The following SCAPER variants were observed in gnomAD, a reference collection of about 807,000 sequenced individuals.
SCAPER encodes the protein S-phase cyclin A associated protein in the ER.
SCAPER carries 98 observed loss-of-function variants against 182.2 expected under a neutral mutation model. That is an observed-to-expected ratio of 0.54 (90% CI 0.46 to 0.64). SCAPER has a LOEUF of 0.64. Ranked by LOEUF, SCAPER falls within the 30% of genes least tolerant of loss-of-function variation. SCAPER has a pLI of 0.00. For missense variants in SCAPER, 1,432 were observed against 1,690.0 expected (o/e 0.85, Z 2.68); for synonymous variants, 605 against 564.6 (o/e 1.07, Z -1.01).
At chr15:76,641,936 C>T (rs1353804927) in intron 21 of SCAPER, among the ~76,000 whole-genome samples, 3 of 152,134 alleles carry the variant, frequency 2.0e-5, no homozygotes, top group Non-Finnish European at 2.9e-5. Flanking sequence ...AAGACACAGA[C>T]AGACTTGATT....
intron 15 of SCAPER, among the ~76,000 whole-genome samples, chr15:76,742,572 A>C (rs2061606599): frequency 6.6e-6 from 1 of 151,768 alleles, no homozygotes; most frequent in African/African-American, 2.4e-5. Context: ...GAAACTGAAA[A>C]TGAAAGTCAA....
At chr15:76,554,900 G>A (rs2046076636) in intron 23 of SCAPER, among the ~76,000 whole-genome samples, 1 of 151,494 alleles carries the variant, frequency 6.6e-6, no homozygotes, top group South Asian at 2.1e-4. Flanking sequence ...TCCTGCCTCA[G>A]CCTCCTGATA....
intron 19 of SCAPER, among the ~76,000 whole-genome samples, chr15:76,702,323 T>A (rs1598257923): frequency 6.6e-6 from 1 of 152,090 alleles, no homozygotes; most frequent in African/African-American, 2.4e-5. Context: ...AAGCAGGTAA[T>A]CATCCATTTT....
chr15:76,380,023 C>T (rs1193090811), intron 28 of SCAPER: 1 of 152,146 alleles, frequency 6.6e-6, no homozygotes, highest in Non-Finnish European at 1.5e-5. Flanking sequence ...ATTTGCTATT[C>T]CATAATCTGT....
At chr15:76,672,089 G>GA (rs2057060868) in intron 20 of SCAPER, among the ~76,000 whole-genome samples, 1 of 152,102 alleles carries the variant, frequency 6.6e-6, no homozygotes, top group East Asian at 1.9e-4. Context: ...GAAACTGCTG[G>GA]GAAAGGAATT....
intron 20 of SCAPER, among the ~76,000 whole-genome samples, chr15:76,682,810 C>A (rs1180319647): frequency 6.7e-6 from 1 of 149,530 alleles, no homozygotes; most frequent in Admixed American, 6.7e-5. Context: ...CTCTGGCCCC[C>A]TAAAATTTTC....
intron 22 of SCAPER, among the ~76,000 whole-genome samples, chr15:76,607,075 A>G (rs2050488854): frequency 6.6e-6 from 1 of 152,038 alleles, no homozygotes; most frequent in Non-Finnish European, 1.5e-5. Flanking sequence ...TTAGCTGGTT[A>G]TTTTGCTCGT....
At chr15:76,491,781 G>T (rs1225421752) in intron 24 of SCAPER, among the ~76,000 whole-genome samples, 1 of 152,100 alleles carries the variant, frequency 6.6e-6, no homozygotes, top group Non-Finnish European at 1.5e-5. Context: ...ACAGGCGTTT[G>T]CCACCACACC....
intron 22 of SCAPER, among the ~76,000 whole-genome samples, chr15:76,591,003 T>G (rs2145667388): frequency 6.6e-6 from 1 of 152,096 alleles, no homozygotes; most frequent in South Asian, 2.1e-4. Flanking sequence ...GGACATAGAG[T>G]GTGGACTGAT....
intron 14 of SCAPER, among the ~76,000 whole-genome samples, chr15:76,754,446 C>A (rs1456358412): frequency 6.6e-6 from 1 of 151,906 alleles, no homozygotes; most frequent in African/African-American, 2.4e-5. Context: ...TCTAACAAAT[C>A]ACATTATTTG....
chr15:76,587,897 C>G (rs934681453), intron 22 of SCAPER, among the ~76,000 whole-genome samples: 1 of 151,584 alleles, frequency 6.6e-6, no homozygotes, highest in African/African-American at 2.4e-5. Flanking sequence ...TATTACTGTG[C>G]TACTGTCTTT....
chr15:76,396,747 A>G lies in SCAPER; in HGVS notation c.3467+7777T>C, dbSNP rs1028154108. ...TTTAGGTTTTTCCAAATATGAGATC[A>G]TATCATCTGTAAAAAAGGATAATTT... On this transcript the variant is annotated intron_variant, in intron 27 of 31. Transcript: ENST00000563290. Among the ~76,000 whole-genome samples, 17 of 152,226 alleles carry G rather than the reference A, an allele frequency of 1.1e-4. 1 individual carries two copies. The highest frequency in any genetic ancestry group is 3.6e-4 in the African/African-American group (15 of 41,466).
At chr15:76,524,676 G>GT (rs1392939467) in intron 23 of SCAPER, among the ~76,000 whole-genome samples, 13 of 65,548 alleles carry the variant, frequency 2.0e-4, no homozygotes, top group African/African-American at 4.2e-4. Flanking sequence ...CTGGAGTTGT[G>GT]TTTTTTTGTT....
chr15:76,572,919 T>A (rs10467952), intron 23 of SCAPER, among the ~76,000 whole-genome samples: 128,296 of 135,642 alleles, frequency 0.95, 61,199 homozygotes, highest in South Asian at 1. Flanking sequence ...TCTCTCTCTC[T>A]CACACACACA....
chr15:76,680,411 G>GATGATGATGATGATAATA (rs1032738002), intron 20 of SCAPER, among the ~76,000 whole-genome samples: 1 of 142,592 alleles, frequency 7.0e-6, no homozygotes, highest in African/African-American at 2.6e-5. Flanking sequence ...TGATGATGAT[G>GATGATGATGATGATAATA]ATAATAATAA....
rs555156642 is a variant in SCAPER at position 76,715,111 on chromosome 15, C to A, written c.2166-9127G>T. ...CTCCTCTTAAACTGAACAGAAGTGGCATCCCACTCATTGGAGACCTCAGGC... is the reference window on the plus strand; with the variant it reads ...CTCCTCTTAAACTGAACAGAAGTGGAATCCCACTCATTGGAGACCTCAGGC... On this transcript the variant is annotated intron_variant, in intron 17 of 31. Coordinates refer to ENST00000563290, the MANE Select transcript of SCAPER (RefSeq NM_020843.4). Among the ~76,000 whole-genome samples, 5 of 152,162 alleles carry A rather than the reference C, an allele frequency of 3.3e-5. 1 individual carries two copies. The highest frequency in any genetic ancestry group is 1.2e-4 in the African/African-American group (5 of 41,520).
intron 15 of SCAPER, among the ~76,000 whole-genome samples, chr15:76,738,947 CAGTA>C (rs1020791283): frequency 2.6e-5 from 4 of 152,112 alleles, no homozygotes; most frequent in African/African-American, 7.2e-5. Context: ...TTTTAAAACT[CAGTA>C]AGTATCTTTG....
intron 23 of SCAPER, among the ~76,000 whole-genome samples, chr15:76,530,372 A>G (rs1456200110): frequency 6.6e-6 from 1 of 152,166 alleles, no homozygotes; most frequent in Non-Finnish European, 1.5e-5. Context: ...TCAGGCATCC[A>G]ATTTACTTTT....
At chr15:76,686,448 C>T (rs562915143) in intron 20 of SCAPER, among the ~76,000 whole-genome samples, 28 of 152,154 alleles carry the variant, frequency 1.8e-4, no homozygotes, top group African/African-American at 6.3e-4. Flanking sequence ...AACTCTTATA[C>T]GTCACTGGTA....
Sources: gnomAD v4.1 joint callset for allele counts (sites outside exome capture counted in the v4.1 genomes callset) on GRCh38, gnomAD v4.1.1 for gene constraint, MANE v1.5 for transcripts, NCBI Gene and HGNC (gene_info 2026-07-23, HGNC 2026-07-21) for gene names.